CDH12: variants seen among roughly 807,000 people sequenced by gnomAD.
CDH12 encodes the protein cadherin-12.
Under a neutral mutation model 74.1 loss-of-function variants are expected in CDH12, and 41 were observed. The ratio of observed to expected loss-of-function variants is 0.55; its 90% CI spans 0.43 to 0.72. The LOEUF (loss-of-function observed/expected upper bound fraction) is 0.72, where lower values mean the gene tolerates loss of function less well. Among genes scored for constraint, CDH12 ranks in the 30% least tolerant of loss-of-function variants. CDH12 has a pLI of 0.00. For synonymous variants in CDH12, 399 were observed against 355.0 expected (o/e 1.12, Z -1.39); for missense variants, 945 against 977.2 (o/e 0.97, Z 0.44).
At chr5:21,893,563 A>G (rs1752987559) in intron 6 of CDH12, among the ~76,000 whole-genome samples, 3 of 152,216 alleles carry the variant, frequency 2.0e-5, no homozygotes, top group Non-Finnish European at 4.4e-5. Context: ...GTACCCCAAA[A>G]TCAGTTTGGT....
At chr5:21,798,889 T>C (rs182991743) in intron 10 of CDH12, among the ~76,000 whole-genome samples, 86 of 152,052 alleles carry the variant, frequency 5.7e-4, no homozygotes, top group African/African-American at 1.9e-3. Flanking sequence ...TACCAAACGG[T>C]GGGGGTGCAG....
intron 3 of CDH12, among the ~76,000 whole-genome samples, chr5:22,244,740 A>AAAAGAAAGAAAGAAAGAAAG (rs200900772): frequency 4.8e-4 from 44 of 92,628 alleles, no homozygotes; most frequent in East Asian, 7.1e-4. Flanking sequence ...AGAAAGAAAG[A>AAAAGAAAGAAAGAAAGAAAG]AAAGAAAGAA....
intron 3 of CDH12, among the ~76,000 whole-genome samples, chr5:22,402,754 G>T (rs1406915687): frequency 1.3e-5 from 2 of 152,084 alleles, no homozygotes; most frequent in Non-Finnish European, 2.9e-5. Context: ...ACAAACTTTT[G>T]TTGAAAAAAT....
intron 4 of CDH12, among the ~76,000 whole-genome samples, chr5:22,128,896 G>C (rs1746026253): frequency 1.3e-5 from 2 of 152,182 alleles, no homozygotes; most frequent in Admixed American, 1.3e-4. Flanking sequence ...ACTGAGTACT[G>C]TCTCCCTGTA....
At chr5:21,944,135 G>A (rs1202522896) in intron 6 of CDH12, among the ~76,000 whole-genome samples, 13 of 152,220 alleles carry the variant, frequency 8.5e-5, no homozygotes, top group Middle Eastern at 3.4e-3. Flanking sequence ...AAACTGAGCC[G>A]CAGTGCTTTG....
intron 3 of CDH12, among the ~76,000 whole-genome samples, chr5:22,238,168 G>A (rs1483151042): frequency 2.0e-5 from 3 of 152,140 alleles, no homozygotes; most frequent in Non-Finnish European, 4.4e-5. Context: ...CTGCTCCTAA[G>A]CAGCACAGCA....
chr5:22,403,585 A>G (rs1742820135), intron 3 of CDH12, among the ~76,000 whole-genome samples: 1 of 152,188 alleles, frequency 6.6e-6, no homozygotes, highest in African/African-American at 2.4e-5. Flanking sequence ...AAACCATAAT[A>G]TTTATGACCA....
At chr5:22,805,564 ATAT>A (rs1356318230) in intron 1 of CDH12, among the ~76,000 whole-genome samples, 2 of 152,248 alleles carry the variant, frequency 1.3e-5, no homozygotes, top group African/African-American at 4.8e-5. Flanking sequence ...TGTATATTAC[ATAT>A]TATTATTATA....
intron 1 of CDH12, among the ~76,000 whole-genome samples, chr5:22,613,497 G>T (rs143510333): frequency 2.6e-5 from 4 of 151,510 alleles, no homozygotes; most frequent in East Asian, 2.0e-4. Flanking sequence ...AAGTTGTGAT[G>T]ATTTATGAGA....
intron 1 of CDH12, among the ~76,000 whole-genome samples, chr5:22,506,725 T>A (rs1408172899): frequency 6.6e-6 from 1 of 152,088 alleles, no homozygotes; most frequent in Non-Finnish European, 1.5e-5. Flanking sequence ...CTCAGTGAAG[T>A]GAGCTGGGAA....
chr5:21,935,492 A>G (rs1755036770), intron 6 of CDH12, among the ~76,000 whole-genome samples: 1 of 152,142 alleles, frequency 6.6e-6, no homozygotes, highest in South Asian at 2.1e-4. Context: ...GTAGGTGTAT[A>G]TATTTATGGA....
At chr5:22,489,161 C>G (rs1300599855) in intron 2 of CDH12, among the ~76,000 whole-genome samples, 4 of 128,540 alleles carry the variant, frequency 3.1e-5, no homozygotes, top group South Asian at 2.4e-4. Context: ...GGGTTCACGC[C>G]ATTCTCCTGC....
intron 1 of CDH12, among the ~76,000 whole-genome samples, chr5:22,800,502 C>A (rs1182328362): frequency 6.6e-6 from 1 of 152,148 alleles, no homozygotes; most frequent in Non-Finnish European, 1.5e-5. Flanking sequence ...CCATTATCAA[C>A]ATCCCCAAAA....
chr5:22,824,885 A>G (rs1313540956), intron 1 of CDH12, among the ~76,000 whole-genome samples: 2 of 151,794 alleles, frequency 1.3e-5, no homozygotes, highest in East Asian at 1.9e-4. Context: ...ATTTATATAT[A>G]TATGTTTGTC....
In CDH12 at chr5:21,863,858, G is replaced by A. The variant is rs1056897978; in HGVS notation, c.527-9068C>T. 5.9e-5 allele frequency among the ~76,000 whole-genome samples: 9 copies of A among 152,210 alleles called. No homozygotes were observed. In the South Asian group the frequency reaches 1.9e-3, roughly 32 times the overall value. On this transcript the variant is annotated intron_variant, in intron 6 of 14. Transcript: ENST00000382254. ...TGAACGTTTCTCAGAACTGATGCAT[G>A]TAACAAAAAGAGAGAGATTTCATGT...
intron 5 of CDH12, among the ~76,000 whole-genome samples, chr5:21,985,598 C>T (rs1207884782): frequency 6.6e-6 from 1 of 151,996 alleles, no homozygotes. Context: ...AGGGTTTACT[C>T]ATTTAAACCA....
intron 1 of CDH12, among the ~76,000 whole-genome samples, chr5:22,608,366 C>T (rs766459445): frequency 2.6e-5 from 4 of 152,162 alleles, no homozygotes; most frequent in Non-Finnish European, 5.9e-5. Flanking sequence ...CCTGTATCCT[C>T]TTCATTTTGA....
intron 1 of CDH12, among the ~76,000 whole-genome samples, chr5:22,584,029 CT>C (rs1181605205): frequency 1.3e-5 from 2 of 150,774 alleles, no homozygotes; most frequent in South Asian, 2.1e-4. Flanking sequence ...TATCTAGTTG[CT>C]TTTTTTTGCT....
intron 11 of CDH12, among the ~76,000 whole-genome samples, chr5:21,775,729 T>TAAA (rs75838251): frequency 6.6e-6 from 1 of 151,860 alleles, no homozygotes; most frequent in Admixed American, 6.6e-5. Context: ...TAATTTTTTT[T>TAAA]AAAAAAATAA....
Sources: allele counts gnomAD v4.1 joint callset (sites outside exome capture counted in the v4.1 genomes callset), GRCh38; gene constraint gnomAD v4.1.1; transcripts MANE v1.5; gene names NCBI Gene and HGNC (gene_info 2026-07-23, HGNC 2026-07-21).